CYB5RL: variants seen among roughly 807,000 people sequenced by gnomAD.
CYB5RL encodes cytochrome b5 reductase like.
In CYB5RL, 38 loss-of-function variants were observed where a neutral mutation model predicts 37.5. The observed-to-expected ratio is 1.01, with a 90% confidence interval of 0.78 to 1.33. The LOEUF (loss-of-function observed/expected upper bound fraction) is 1.33. Among genes scored for constraint, CYB5RL ranks in the 40% most tolerant of loss-of-function variants. The pLI is 0.00. For synonymous variants in CYB5RL, 141 were observed against 151.9 expected (o/e 0.93, Z 0.53); for missense variants, 388 against 394.4 (o/e 0.98, Z 0.14).
chr1:54,183,702 G>A (rs998142100), intron 6 of CYB5RL, among the ~76,000 whole-genome samples: 4 of 152,154 alleles, frequency 2.6e-5, no homozygotes, highest in Non-Finnish European at 5.9e-5. Flanking sequence ...CTGGCTGGGC[G>A]CGGTGGCTCA....
intron 7 of CYB5RL, among the ~76,000 whole-genome samples, chr1:54,178,797 C>G (rs1473148890): frequency 6.6e-6 from 1 of 152,234 alleles, no homozygotes; most frequent in African/African-American, 2.4e-5. Context: ...GCCCTGCCCT[C>G]TACAGCCAGG....
At chr1:54,181,716 C>T (rs1660165340) in intron 6 of CYB5RL, among the ~76,000 whole-genome samples, 1 of 152,226 alleles carries the variant, frequency 6.6e-6, no homozygotes, top group African/African-American at 2.4e-5. Context: ...CTTTGGGAGG[C>T]TGACGTGGGA....
chr1:54,184,734 T>C (rs929370049), intron 5 of CYB5RL: 6 of 152,736 alleles, frequency 3.9e-5, no homozygotes, highest in African/African-American at 1.4e-4. Context: ...GCCAAATCTA[T>C]TGATTTTCCA....
Position 54,174,657 on chromosome 1 carries a change from A to G in CYB5RL, c.910T>C (p.Cys304Arg), listed in dbSNP as rs753489709. ...FTKDIARCLL[C>R]AGLTEDSYFL... ...TAGGAGTCCTCAGTGAGGCCTGCGC[A>G]CAGTAAGCACCTGGCTATGTCTTTG... Residue 304 changes from cysteine to arginine, a missense_variant, in exon 8 of 8, where the codon TGC (cysteine) becomes CGC (arginine). Physicochemically the swap from Cys to Arg is radical, Grantham distance 180. Coordinates refer to ENST00000534324, the MANE Select transcript of CYB5RL (RefSeq NM_001031672.4). The G allele has an allele frequency of 1.2e-6, 2 of 1,613,022 alleles. No homozygotes were observed. Among genetic ancestry groups the G allele is most frequent in the Non-Finnish European group, 1.7e-6 (2 of 1,179,564 alleles).
Position 54,170,856 on chromosome 1 carries a change from T to C in CYB5RL, c.*3763A>G, listed in dbSNP as rs1307830392. 1 of 314,084 alleles carries C rather than the reference T, an allele frequency of 3.2e-6. No individual in the cohort carries two copies. Among genetic ancestry groups the C allele is most frequent in the Non-Finnish European group, 6.4e-6 (1 of 157,258 alleles). 19.5% of individuals were successfully genotyped at this position (314,084 alleles called of 1,614,324 possible). ...GAAGCTTAGTTTCCTCATCAGTAAATTGGGGTAATAAAATAGCATGTATAT... is the reference window on the plus strand; with the variant it reads ...GAAGCTTAGTTTCCTCATCAGTAAACTGGGGTAATAAAATAGCATGTATAT... On this transcript the variant is annotated 3_prime_UTR_variant, in exon 8 of 8. Transcript: ENST00000534324.
chr1:54,195,645 C>A lies in CYB5RL; in HGVS notation c.-29G>T, dbSNP rs752341755. On this transcript the variant is annotated 5_prime_UTR_variant, in exon 3 of 8. Transcript: ENST00000534324. The stretch of plus-strand genomic sequence containing the variant: ...TGGGGCTTGGGCAGCCTAGAAGGAA[C>A]AACTGGGTGCTCTTCCAGAACAGGC... The A allele has an allele frequency of 3.2e-6, 5 of 1,575,710 alleles. No individual in the cohort carries two copies. The highest frequency in any genetic ancestry group is 4.3e-6 in the Non-Finnish European group (5 of 1,156,808).
At position 54,172,619 on chromosome 1, in the gene CYB5RL, TC is replaced by T. The variant is rs1319897109; in HGVS notation, c.*1999del. On this transcript the variant is annotated 3_prime_UTR_variant, in exon 8 of 8. Transcript: ENST00000534324. ...TGCACTTACCTTTTCATGACACCCA[TC>T]ACTTTTAGACTTACAGGTTGAATTG... is the stretch of plus-strand genomic sequence containing the variant. 1 of 152,288 alleles carries T rather than the reference TC, an allele frequency of 6.6e-6. No homozygotes were observed. 9.4% of individuals were successfully genotyped at this position (152,288 alleles called of 1,614,324 possible).
chr1:54,188,320 T>G (rs1378066294), intron 4 of CYB5RL, among the ~76,000 whole-genome samples: 1 of 151,856 alleles, frequency 6.6e-6, no homozygotes. Context: ...GATGGGAGAG[T>G]GTTTCAAAAA....
At chr1:54,176,139 G>C (rs1027522475) in intron 7 of CYB5RL, among the ~76,000 whole-genome samples, 5 of 152,206 alleles carry the variant, frequency 3.3e-5, no homozygotes, top group African/African-American at 1.2e-4. Context: ...ATTGTGAGGA[G>C]AGTATCCACT....
intron 3 of CYB5RL, among the ~76,000 whole-genome samples, chr1:54,192,983 G>A (rs1191167664): frequency 1.3e-5 from 2 of 152,186 alleles, no homozygotes; most frequent in Non-Finnish European, 2.9e-5. Flanking sequence ...TTGAACTCCT[G>A]AGCTTAGGTG....
intron 7 of CYB5RL, among the ~76,000 whole-genome samples, chr1:54,176,716 T>C (rs1451547851): frequency 6.6e-6 from 1 of 152,162 alleles, no homozygotes; most frequent in Non-Finnish European, 1.5e-5. Context: ...ACCACTTAGG[T>C]TCAGCTCAGC....
At chr1:54,186,908 T>C (rs1042919704) in intron 5 of CYB5RL, among the ~76,000 whole-genome samples, 7 of 152,056 alleles carry the variant, frequency 4.6e-5, no homozygotes, top group African/African-American at 1.7e-4. Context: ...AGATAATAAG[T>C]CATGTCTTAT....
chr1:54,176,648 A>ATGGGGCCT (rs1281460821), intron 7 of CYB5RL, among the ~76,000 whole-genome samples: 3 of 152,208 alleles, frequency 2.0e-5, no homozygotes, highest in Non-Finnish European at 4.4e-5. Flanking sequence ...GACCCACCAG[A>ATGGGGCCT]TGGGGCCTTG....
At chr1:54,182,805 G>A (rs766536405) in intron 6 of CYB5RL, among the ~76,000 whole-genome samples, 5 of 152,114 alleles carry the variant, frequency 3.3e-5, no homozygotes, top group African/African-American at 4.8e-5. Flanking sequence ...CACCCGCCTC[G>A]GCCTCCCAAA....
intron 4 of CYB5RL, among the ~76,000 whole-genome samples, chr1:54,188,343 T>C (rs1347678257): frequency 2.6e-5 from 4 of 152,168 alleles, no homozygotes; most frequent in Non-Finnish European, 2.9e-5. Context: ...GCACTGAGGA[T>C]GTGAGTTGTT....
Position 54,184,272 on chromosome 1 carries a change from G to A in CYB5RL, c.436-7C>T. ...TCAGCCCCATCTGGTAGCACTGGAA[G>A]CAAACACAGGGAGACGTCAGCGGGA... On this transcript the variant is annotated splice_polypyrimidine_tract_variant and splice_region_variant and intron_variant, in intron 5 of 7. Transcript: ENST00000534324. The A allele has an allele frequency of 6.2e-7, 1 of 1,612,044 alleles. No homozygotes were observed. The highest frequency in any genetic ancestry group is 8.5e-7 in the Non-Finnish European group (1 of 1,178,772).
At position 54,171,167 on chromosome 1, in the gene CYB5RL, T is replaced by C. The variant is rs1356103676; in HGVS notation, c.*3452A>G. The C allele has an allele frequency of 4.4e-6, 2 of 455,592 alleles. No individual in the cohort carries two copies. Among genetic ancestry groups the C allele is most frequent in the South Asian group, 1.5e-5 (1 of 64,530 alleles). 28.2% of individuals were successfully genotyped at this position (455,592 alleles called of 1,614,324 possible). A position where few individuals can be genotyped will look rare whatever the true frequency, so the allele number is the denominator to read the frequency against. ...GACACTGAGCTGAGACCTCAAAAGA[T>C]GAGGAGGCAAAAAAGGTGAGTGGGA... is the stretch of plus-strand genomic sequence containing the variant. On this transcript the variant is annotated 3_prime_UTR_variant, in exon 8 of 8. Transcript: ENST00000534324.
rs777418956 is a variant in CYB5RL, at chr1:54,179,360, A to G, written c.541-8T>C. 1.1e-5 allele frequency: 18 copies of G among 1,610,326 alleles called. No individual in the cohort carries two copies. Among genetic ancestry groups the G allele is most frequent in the African/African-American group, 2.7e-5 (2 of 74,886 alleles). On this transcript the variant is annotated splice_region_variant and splice_polypyrimidine_tract_variant and intron_variant, in intron 6 of 7. Coordinates refer to ENST00000534324, the MANE Select transcript of CYB5RL (RefSeq NM_001031672.4). The stretch of plus-strand genomic sequence containing the variant: ...CAAGAGGAGCTCACCATACTGGGGA[A>G]CAGAAGGGGTATGTATGACAGGTGG...
intron 1 of CYB5RL, among the ~76,000 whole-genome samples, chr1:54,198,020 T>C (rs1644025689): frequency 2.7e-5 from 3 of 110,228 alleles, no homozygotes; most frequent in Admixed American, 1.2e-4. Context: ...AGAGTGAGAC[T>C]CTGTCTCAAA....
Sources: allele counts gnomAD v4.1 joint callset (sites outside exome capture counted in the v4.1 genomes callset), GRCh38; gene constraint gnomAD v4.1.1; transcripts MANE v1.5; gene names NCBI Gene and HGNC (gene_info 2026-07-23, HGNC 2026-07-21).